Variants in FKBP5 observed in about 807,000 individuals in gnomAD.
FKBP5 encodes FKBP prolyl isomerase 5, also known as peptidyl-prolyl cis-trans isomerase FKBP5.
FKBP5 carries 23 observed loss-of-function variants against 50.5 expected under a neutral mutation model. That is an observed-to-expected ratio of 0.46 (90% CI 0.33 to 0.65). The LOEUF (loss-of-function observed/expected upper bound fraction) is 0.65. FKBP5 is among the 30% of genes least tolerant of loss of function. The pLI is 0.02. For synonymous variants in FKBP5, 176 were observed against 190.6 expected, an observed-to-expected ratio of 0.92 and a Z score of 0.63; for missense variants, 411 against 553.1, an observed-to-expected ratio of 0.74 and a Z score of 2.58.
chr6:35,657,495 ATCTC>A (rs767692601), intron 1 of FKBP5, among the ~76,000 whole-genome samples: 1 of 152,066 alleles, frequency 6.6e-6, no homozygotes, highest in Non-Finnish European at 1.5e-5. Flanking sequence ...TTGTGTAGTC[ATCTC>A]TCTCTCTGAC....
chr6:35,617,258 TA>T (rs1240745013), intron 5 of FKBP5, among the ~76,000 whole-genome samples: 3 of 152,120 alleles, frequency 2.0e-5, no homozygotes, highest in Non-Finnish European at 4.4e-5. Flanking sequence ...GGGTTGAAAA[TA>T]GTATATACTT....
chr6:35,585,324 C>A (rs1029891833), intron 8 of FKBP5: 3 of 979,110 alleles, frequency 3.1e-6, no homozygotes, highest in Non-Finnish European at 3.6e-6. Context: ...ATACAAATAA[C>A]CCACTTGGAA....
chr6:35,680,147 C>T (rs1765628721), intron 1 of FKBP5, among the ~76,000 whole-genome samples: 1 of 151,856 alleles, frequency 6.6e-6, no homozygotes, highest in African/African-American at 2.4e-5. Context: ...AAAAATGAAC[C>T]AGGCCAGGCA....
chr6:35,632,757 C>T (rs533483935), intron 3 of FKBP5, among the ~76,000 whole-genome samples: 13 of 151,742 alleles, frequency 8.6e-5, no homozygotes, highest in East Asian at 1.9e-4. Context: ...GGTGTGGTGG[C>T]GCATGCCTGT....
intron 2 of FKBP5, among the ~76,000 whole-genome samples, chr6:35,701,184 T>C (rs1284059647): frequency 6.6e-6 from 1 of 151,928 alleles, no homozygotes; most frequent in African/African-American, 2.4e-5. Flanking sequence ...AGATAAGAAT[T>C]TAACTAGGAG....
chr6:35,700,656 C>G (rs899749246), intron 2 of FKBP5, among the ~76,000 whole-genome samples: 4 of 152,062 alleles, frequency 2.6e-5, no homozygotes, highest in Non-Finnish European at 4.4e-5. Flanking sequence ...GTAGAGTTGC[C>G]ACATTTAATA....
rs754962247 is a variant in FKBP5 at position 35,642,728 on chromosome 6, C to A, written c.97G>T (p.Val33Leu). ...EDITSKKDRG[V>L]LKIVKRVGNG... ...CAGCTTTGTGGCCTCACCTTTAATA[C>A]TCCCCTGTCTTTTTTGGAGGTAATA... The change falls in exon 2 of 11, where the codon GTA (valine) becomes TTA (leucine). Residue 33 changes from valine (V) to leucine (L), a missense_variant. Val to Leu is a conservative substitution (Grantham distance 32). Transcript: ENST00000357266. 7.4e-6 allele frequency: 12 copies of A among 1,613,214 alleles called. No individual in the cohort carries two copies. The East Asian group carries it at 2.2e-4, about 30-fold the overall frequency.
intron 5 of FKBP5, among the ~76,000 whole-genome samples, chr6:35,608,602 G>A (rs1763401329): frequency 6.6e-6 from 1 of 152,108 alleles, no homozygotes; most frequent in Admixed American, 6.6e-5. Context: ...TGGGAGGATG[G>A]CTTGAGGGCA....
At chr6:35,691,162 C>T (rs1765980709), upstream of FKBP5, among the ~76,000 whole-genome samples, 1 of 152,084 alleles carries the variant, frequency 6.6e-6, no homozygotes, top group Admixed American at 6.6e-5. Flanking sequence ...CTTCATGTTA[C>T]AGGGGTTGTG....
chr6:35,585,685 ATTTG>A (rs776137514), intron 8 of FKBP5: 19 of 940,156 alleles, frequency 2.0e-5, no homozygotes, highest in Admixed American at 6.2e-5. Context: ...ATGATTTAAA[ATTTG>A]TTTGAATACC....
intron 3 of FKBP5, among the ~76,000 whole-genome samples, chr6:35,620,936 A>C (rs1301489975): frequency 6.6e-6 from 1 of 152,226 alleles, no homozygotes; most frequent in Non-Finnish European, 1.5e-5. Flanking sequence ...GAACAAAAAT[A>C]GTATTGAAAA....
At chr6:35,707,972 G>T (rs1766351398) in intron 2 of FKBP5, among the ~76,000 whole-genome samples, 1 of 152,166 alleles carries the variant, frequency 6.6e-6, no homozygotes, top group South Asian at 2.1e-4. Flanking sequence ...CTCCCTAGAA[G>T]ACTGCTACAG....
At chr6:35,595,275 C>T (rs553593912) in intron 6 of FKBP5, among the ~76,000 whole-genome samples, 1 of 152,334 alleles carries the variant, frequency 6.6e-6, no homozygotes, top group Admixed American at 6.5e-5. Flanking sequence ...TCTGTCCCCA[C>T]AATTGCCTTG....
At chr6:35,716,633 C>T (rs1766517103) in intron 2 of FKBP5, among the ~76,000 whole-genome samples, 1 of 152,290 alleles carries the variant, frequency 6.6e-6, no homozygotes, top group South Asian at 2.1e-4. Flanking sequence ...GGCACATGCT[C>T]TGTACTCAGT....
At chr6:35,714,780 C>T (rs1766483312) in intron 2 of FKBP5, among the ~76,000 whole-genome samples, 1 of 147,296 alleles carries the variant, frequency 6.8e-6, no homozygotes. Context: ...TGCCATTGCA[C>T]TCCAGCCTAG....
intron 2 of FKBP5, among the ~76,000 whole-genome samples, chr6:35,640,390 C>T (rs1764450396): frequency 6.6e-6 from 1 of 151,698 alleles, no homozygotes; most frequent in East Asian, 1.9e-4. Flanking sequence ...AAAAGGTATA[C>T]AAGAAAAAAA....
intron 1 of FKBP5, among the ~76,000 whole-genome samples, chr6:35,662,706 ATTTGT>A (rs1765105674): frequency 6.6e-6 from 1 of 152,104 alleles, no homozygotes; most frequent in South Asian, 2.1e-4. Context: ...ATTACAGTAA[ATTTGT>A]TTTGTTAATA....
At chr6:35,586,892 T>A (rs1762617109) in intron 8 of FKBP5, 142 bp downstream of exon 8, 2 of 1,502,936 alleles carry the variant, frequency 1.3e-6, no homozygotes, top group Admixed American at 4.9e-5. Context: ...TTTTTCATAT[T>A]GAAAATGACA....
At chr6:35,727,901 G>A (rs1049506194) in intron 1 of FKBP5, among the ~76,000 whole-genome samples, 1 of 152,194 alleles carries the variant, frequency 6.6e-6, no homozygotes, top group African/African-American at 2.4e-5. Context: ...GGGCAAATGG[G>A]GGATGGCTAG....
Sources: gnomAD v4.1 joint callset for allele counts (sites outside exome capture counted in the v4.1 genomes callset) on GRCh38, gnomAD v4.1.1 for gene constraint, MANE v1.5 for transcripts, NCBI Gene and HGNC (gene_info 2026-07-23, HGNC 2026-07-21) for gene names.